The following ASIC2 variants were observed in gnomAD, a reference collection of about 807,000 sequenced individuals.
The protein encoded by ASIC2 is acid sensing ion channel subunit 2.
ASIC2 carries 25 observed loss-of-function variants against 57.3 expected under a neutral mutation model. The observed-to-expected ratio is 0.44, with a 90% CI of 0.32 to 0.61. The LOEUF (loss-of-function observed/expected upper bound fraction) is 0.61, where lower values mean the gene tolerates loss of function less well. ASIC2 is among the 20% of genes least tolerant of loss of function. The pLI is 0.06. For missense variants in ASIC2, 641 were observed against 738.1 expected (o/e 0.87, Z 1.52); for synonymous variants, 319 against 307.5 (o/e 1.04, Z -0.39).
At chr17:33,076,304 G>A (rs1351108913) in intron 3 of ASIC2, among the ~76,000 whole-genome samples, 1 of 152,214 alleles carries the variant, frequency 6.6e-6, no homozygotes, top group African/African-American at 2.4e-5. Context: ...GGTATTACAG[G>A]GGCAGTCCGG....
At chr17:34,014,433 T>G (rs1906872810) in intron 1 of ASIC2, among the ~76,000 whole-genome samples, 1 of 152,162 alleles carries the variant, frequency 6.6e-6, no homozygotes, top group Non-Finnish European at 1.5e-5. Context: ...CATCAGGAGC[T>G]CGAGACATTG....
At chr17:33,929,103 G>C (rs1373938760) in intron 1 of ASIC2, among the ~76,000 whole-genome samples, 1 of 152,114 alleles carries the variant, frequency 6.6e-6, no homozygotes, top group Non-Finnish European at 1.5e-5. Flanking sequence ...GGCCTAAACT[G>C]CCTCAGTAAG....
rs1907741059 is a variant in ASIC2 at position 33,223,052 on chromosome 17, A to C, written c.708+68356T>G. ...AGATTCTCACCAGAGAGCCATGTTCAGAAAAACGCTTTGATGTACTAAAAG... is the reference window on the plus strand; with the variant it reads ...AGATTCTCACCAGAGAGCCATGTTCCGAAAAACGCTTTGATGTACTAAAAG... On this transcript the variant is annotated intron_variant, in intron 1 of 9. Transcript: ENST00000225823. Among the ~76,000 whole-genome samples the C allele has an allele frequency of 2.0e-5, 3 of 152,350 alleles. No individual in the cohort carries two copies. In the South Asian group the frequency reaches 6.2e-4, roughly 32 times the overall value.
At chr17:33,721,529 G>A (rs964300739) in intron 1 of ASIC2, among the ~76,000 whole-genome samples, 3 of 152,138 alleles carry the variant, frequency 2.0e-5, no homozygotes, top group Non-Finnish European at 2.9e-5. Flanking sequence ...CTGCCAACCT[G>A]GGTCCCTGAG....
intron 1 of ASIC2, among the ~76,000 whole-genome samples, chr17:33,891,030 G>A (rs1348562844): frequency 6.6e-6 from 1 of 152,112 alleles, no homozygotes; most frequent in Non-Finnish European, 1.5e-5. Flanking sequence ...GCCCTTCTTT[G>A]AAGAATGCTG....
chr17:33,791,256 G>T (rs1017290818), intron 1 of ASIC2, among the ~76,000 whole-genome samples: 1 of 152,194 alleles, frequency 6.6e-6, no homozygotes, highest in African/African-American at 2.4e-5. Context: ...AAACAGAACA[G>T]AGAACATAGC....
At chr17:33,453,895 T>C (rs78098230) in intron 1 of ASIC2, among the ~76,000 whole-genome samples, 12,687 of 152,276 alleles carry the variant, frequency 0.083, 578 homozygotes, top group Middle Eastern at 0.11. Flanking sequence ...ATGCTTTTTT[T>C]GGTCTGTCTT....
At chr17:33,605,890 C>A (rs1022788629) in intron 1 of ASIC2, among the ~76,000 whole-genome samples, 14 of 152,206 alleles carry the variant, frequency 9.2e-5, no homozygotes, top group Non-Finnish European at 1.9e-4. Flanking sequence ...CTCCCCCTGT[C>A]CCCACTGAGT....
At chr17:33,765,179 C>T (rs1910898484) in intron 1 of ASIC2, among the ~76,000 whole-genome samples, 1 of 152,122 alleles carries the variant, frequency 6.6e-6, no homozygotes, top group Non-Finnish European at 1.5e-5. Flanking sequence ...TATCTTGGCT[C>T]ACTGCAAGCT....
chr17:33,121,615 C>T (rs1018555269), intron 1 of ASIC2, among the ~76,000 whole-genome samples: 1 of 152,148 alleles, frequency 6.6e-6, no homozygotes, highest in African/African-American at 2.4e-5. Flanking sequence ...ACCTGCTGAG[C>T]CCTGCCTATC....
At chr17:33,786,899 CA>C (rs1359555631) in intron 1 of ASIC2, among the ~76,000 whole-genome samples, 1 of 152,202 alleles carries the variant, frequency 6.6e-6, no homozygotes, top group African/African-American at 2.4e-5. Context: ...AGTACATCAT[CA>C]AAGGTGGGCT....
chr17:33,361,021 C>T (rs1908582286), intron 1 of ASIC2, among the ~76,000 whole-genome samples: 1 of 152,168 alleles, frequency 6.6e-6, no homozygotes, highest in Non-Finnish European at 1.5e-5. Context: ...GCTTTCAGAT[C>T]TCTAATCTGA....
chr17:33,691,512 A>G (rs1393245111), intron 1 of ASIC2, among the ~76,000 whole-genome samples: 1 of 151,954 alleles, frequency 6.6e-6, no homozygotes, highest in African/African-American at 2.4e-5. Flanking sequence ...AACTATCTAT[A>G]TTTTCTTTCT....
At chr17:33,690,950 T>C (rs1026722848) in intron 1 of ASIC2, among the ~76,000 whole-genome samples, 2 of 151,812 alleles carry the variant, frequency 1.3e-5, no homozygotes, top group Non-Finnish European at 2.9e-5. Context: ...GGGGTTTCAC[T>C]GTGTTAGCCA....
chr17:33,626,268 G>T (rs866876071), intron 1 of ASIC2, among the ~76,000 whole-genome samples: 1 of 152,186 alleles, frequency 6.6e-6, no homozygotes, highest in Admixed American at 6.5e-5. Flanking sequence ...CTAGAACGTC[G>T]TGCAAAGATG....
At chr17:33,719,681 G>C (rs1362469354) in intron 1 of ASIC2, among the ~76,000 whole-genome samples, 2 of 152,210 alleles carry the variant, frequency 1.3e-5, no homozygotes, top group African/African-American at 4.8e-5. Context: ...TTAGCTAGAG[G>C]CTGCAATAAG....
rs548582476 is a variant in ASIC2, at chr17:33,499,627, G to A, written c.556-387560C>T. Among the ~76,000 whole-genome samples, 33 of 152,348 alleles carry A rather than the reference G, an allele frequency of 2.2e-4. No homozygotes were observed. The South Asian group carries it at 6.6e-3, about 31-fold the overall frequency. On this transcript the variant is annotated intron_variant, in intron 1 of 9. Coordinates refer to the ASIC2 transcript ENST00000359872. ...TTCTGTTGTTGAAGCCACCCAGTCTGTGGTACTTTGTTACGGAGACCCTGG... is the reference window on the plus strand; with the variant it reads ...TTCTGTTGTTGAAGCCACCCAGTCTATGGTACTTTGTTACGGAGACCCTGG...
chr17:33,507,171 A>G (rs902261508), intron 1 of ASIC2, among the ~76,000 whole-genome samples: 12 of 152,206 alleles, frequency 7.9e-5, no homozygotes, highest in African/African-American at 2.7e-4. Flanking sequence ...TTAGTCCCTG[A>G]AAACAGCTCT....
chr17:33,568,200 G>A (rs1250707027), intron 1 of ASIC2, among the ~76,000 whole-genome samples: 1 of 152,154 alleles, frequency 6.6e-6, no homozygotes, highest in Non-Finnish European at 1.5e-5. Flanking sequence ...GCTGGCAGGT[G>A]TTCCATTAGC....
Sources: gnomAD v4.1 joint callset for allele counts (sites outside exome capture counted in the v4.1 genomes callset) on GRCh38, gnomAD v4.1.1 for gene constraint, MANE v1.5 for transcripts, NCBI Gene and HGNC (gene_info 2026-07-23, HGNC 2026-07-21) for gene names.